ZAN: variants seen among roughly 807,000 people sequenced by gnomAD.
The protein encoded by ZAN is zonadhesin.
A neutral mutation model predicts 286.2 loss-of-function variants in ZAN; 260 were observed. The ratio of observed to expected loss-of-function variants is 0.91; its 90% CI spans 0.82 to 1.01. The LOEUF is 1.01. ZAN is among the 50% of genes least tolerant of loss of function. The pLI is 0.00. For missense variants in ZAN, 3,410 were observed against 3,639.2 expected (o/e 0.94, Z 1.62); for synonymous variants, 1,368 against 1,417.5 (o/e 0.97, Z 0.79).
intron 20 of ZAN, 50 bp downstream of exon 20, chr7:100,762,408 C>T: frequency 6.9e-7 from 1 of 1,445,582 alleles, no homozygotes; most frequent in Non-Finnish European, 9.2e-7. Context: ...CCGTCCCCTT[C>T]CTGGAACTCT....
Position 100,759,774 on chromosome 7 carries a change from T to C in ZAN, c.3625T>C (p.Ser1209Pro). ...KNEEQGQEGV[S>P]CLSKVYVTLP... ...TGAGGAGCAGGGACAGGAAGGCGTGTCCTGCCTGAGCAAAGTCTACGTGAC... is the reference window on the plus strand; with the variant it reads ...TGAGGAGCAGGGACAGGAAGGCGTGCCCTGCCTGAGCAAAGTCTACGTGAC... Residue 1209 changes from serine to proline, a missense_variant, in exon 18 of 48, where the codon TCC becomes CCC. Transcript: ENST00000613979. 1 of 1,603,606 alleles carries C rather than the reference T, an allele frequency of 6.2e-7. No individual in the cohort carries two copies. The highest frequency in any genetic ancestry group is 8.5e-7 in the Non-Finnish European group (1 of 1,175,358).
In ZAN at chr7:100,779,487, A is replaced by G. The variant is rs1397490538; in HGVS notation, c.6359A>G (p.Glu2120Gly). ...GTAGATGAGCAGCAGATTCCAGCGGAACAGCAGGAGAACCCGAGTGGAAAC... is the reference window on the plus strand; with the variant it reads ...GTAGATGAGCAGCAGATTCCAGCGGGACAGCAGGAGAACCCGAGTGGAAAC... ...LLVDEQQIPAEQQENPSGNCR... is the reference protein window; with the variant it reads ...LLVDEQQIPAGQQENPSGNCR... Residue 2120 changes from glutamate to glycine, a missense_variant, in exon 35 of 48, where the codon GAA becomes GGA. Physicochemically the swap from Glu to Gly is moderately conservative, Grantham distance 98. Coordinates refer to ENST00000613979, the MANE Select transcript of ZAN (RefSeq NM_003386.3). 4.6e-5 allele frequency: 74 copies of G among 1,611,692 alleles called. No homozygotes were observed. The East Asian group carries it at 1.6e-3, about 35-fold the overall frequency.
At chr7:100,778,415 G>T (rs1810961205) in intron 34 of ZAN, among the ~76,000 whole-genome samples, 1 of 149,212 alleles carries the variant, frequency 6.7e-6, no homozygotes, top group South Asian at 2.1e-4. Flanking sequence ...ACCAGCCTGG[G>T]CAACATAGCA....
At chr7:100,773,192 C>T in intron 29 of ZAN, 93 bp from the exon 30 acceptor site, 2 of 1,399,260 alleles carry the variant, frequency 1.4e-6, no homozygotes, top group South Asian at 1.3e-5. Context: ...GTGCGAGCTA[C>T]CGCTCCTGGC....
At chr7:100,775,117 A>G (rs1810661377) in intron 31 of ZAN, among the ~76,000 whole-genome samples, 2 of 151,790 alleles carry the variant, frequency 1.3e-5, no homozygotes, top group Admixed American at 1.3e-4. Context: ...TTTAGTAGAG[A>G]CGGGTTTTTA....
At position 100,767,712 on chromosome 7, in the gene ZAN, C is replaced by T; in HGVS notation, c.4861-119C>T. 2.6e-6 allele frequency: 3 copies of T among 1,156,896 alleles called. No individual in the cohort carries two copies. In the Admixed American group the frequency reaches 8.6e-5, roughly 33 times the overall value. The allele number at this position is 1,156,896 out of a possible 1,614,324, so 71.7% of individuals were successfully genotyped here. On this transcript the variant is annotated intron_variant, in intron 25 of 47. Transcript: ENST00000613979. ...CAGGCTGATCTCGAGATCCTGGGCT[C>T]AAGCGATCCTCCGCCTCGGCCTCCC...
intron 19 of ZAN, among the ~76,000 whole-genome samples, chr7:100,761,395 G>T (rs541524059): frequency 6.6e-6 from 1 of 151,988 alleles, no homozygotes; most frequent in African/African-American, 2.4e-5. Flanking sequence ...ATCTCAGCAT[G>T]CTGGGAGGCC....
At position 100,748,450 on chromosome 7, in the gene ZAN, C is replaced by A. The variant is rs756851221; in HGVS notation, c.1229C>A (p.Ala410Glu). 4.3e-6 allele frequency: 7 copies of A among 1,612,632 alleles called. No individual in the cohort carries two copies. Among genetic ancestry groups the A allele is most frequent in the Non-Finnish European group, 5.9e-6 (7 of 1,179,392 alleles). ...KNGPVHGMGPAGGFPNAGGHY... is the reference protein window; with the variant it reads ...KNGPVHGMGPEGGFPNAGGHY... Reference sequence around the variant, plus strand: ...GGACCCGTCCATGGCATGGGCCCTGCGGGAGGTTTCCCTAATGCAGGTGAG... The same window carrying A: ...GGACCCGTCCATGGCATGGGCCCTGAGGGAGGTTTCCCTAATGCAGGTGAG... Residue 410 changes from alanine (A) to glutamate (E), a missense_variant, in exon 11 of 48, where the codon GCG becomes GAG. Physicochemically the swap from Ala to Glu is moderately radical, Grantham distance 107. This residue lies in a region of ZAN where 872 missense variants were observed against 938.9 expected (regional missense o/e 0.93). Transcript: ENST00000613979.
chr7:100,771,527 G>T (rs1327448205), intron 28 of ZAN, among the ~76,000 whole-genome samples: 1 of 151,942 alleles, frequency 6.6e-6, no homozygotes, highest in Non-Finnish European at 1.5e-5. Flanking sequence ...TGCCTCCTGG[G>T]TTCAAGAGAT....
At chr7:100,765,981 G>T (rs2116033241) in intron 23 of ZAN, among the ~76,000 whole-genome samples, 3 of 144,738 alleles carry the variant, frequency 2.1e-5, no homozygotes, top group Admixed American at 6.9e-5. Flanking sequence ...TTTTGTTGTT[G>T]TTTTTGGTTT....
chr7:100,739,623 C>T lies in ZAN; in HGVS notation c.766+1010C>T, dbSNP rs1317121448. Among the ~76,000 whole-genome samples the T allele has an allele frequency of 2.2e-5, 3 of 134,704 alleles. 1 individual carries two copies. The highest frequency in any genetic ancestry group is 4.4e-4 in the East Asian group (2 of 4,558). The allele number at this position is 134,704 out of a possible 152,430, so 88.4% of individuals were successfully genotyped here. A position where few individuals can be genotyped will look rare whatever the true frequency, so the allele number is the denominator to read the frequency against. On this transcript the variant is annotated intron_variant, in intron 7 of 47. Coordinates refer to ENST00000613979, the MANE Select transcript of ZAN (RefSeq NM_003386.3). ...CCTCCCAAAGTGCTGGGATTACAGG[C>T]GTGAGCCACTGTGCCCCGCCGTGAG...
chr7:100,781,475 G>C (rs901573835), intron 35 of ZAN, among the ~76,000 whole-genome samples: 2 of 152,152 alleles, frequency 1.3e-5, no homozygotes, highest in Non-Finnish European at 2.9e-5. Context: ...GAGCACAGCA[G>C]CCTGAGCTGG....
chr7:100,792,002 G>A lies in ZAN; in HGVS notation c.7566G>A (p.Glu2522=), dbSNP rs372780715. The change falls in exon 41 of 48, where the codon GAG becomes GAA. Residue 2522 remains glutamate, a synonymous_variant. Transcript: ENST00000613979. ...CGGAGGAGGAGGGACAAGGGGCGGA[G>A]CTGGGCCTCCGCACGGGCCTCCAAG... is the stretch of plus-strand genomic sequence containing the variant. ...IPAEEEGQGA[E]LGLRTGLQVS... is the part of the protein sequence containing the mutation. 6.2e-7 allele frequency: 1 copy of A among 1,613,278 alleles called. No individual in the cohort carries two copies. Among genetic ancestry groups the A allele is most frequent in the African/African-American group, 1.3e-5 (1 of 74,946 alleles).
Position 100,776,439 on chromosome 7 carries a change from G to C in ZAN, c.6193-1G>C, listed in dbSNP as rs778075708. 4 of 1,605,280 alleles carry C rather than the reference G, an allele frequency of 2.5e-6. No homozygotes were observed. The highest frequency in any genetic ancestry group is 1.7e-4 in the Middle Eastern group (1 of 6,042). Reference sequence around the variant, plus strand: ...ACCGAAAAACCACTCTCCCCCGCCAGGTCTGCGGCATGTGTGGGAACTTCA... The same window carrying C: ...ACCGAAAAACCACTCTCCCCCGCCACGTCTGCGGCATGTGTGGGAACTTCA... On this transcript the variant is annotated splice_acceptor_variant, in intron 33 of 47. Coordinates refer to ENST00000613979, the MANE Select transcript of ZAN (RefSeq NM_003386.3). LOFTEE classifies it high-confidence loss of function.
Position 100,773,735 on chromosome 7 carries a change from G to T in ZAN, c.5649G>T (p.Trp1883Cys). Reference sequence around the variant, plus strand: ...GTGGCCCACAGGTCGGGGAGCGCTGGTACACAGAGAACACCTGCACCAGGC... The same window carrying T: ...GTGGCCCACAGGTCGGGGAGCGCTGTTACACAGAGAACACCTGCACCAGGC... ...AGSYHPVGER[W>C]YTENTCTRLC... The change falls in exon 31 of 48, where the codon TGG becomes TGT. Residue 1883 changes from tryptophan to cysteine, a missense_variant. Transcript: ENST00000613979. 1 of 1,609,924 alleles carries T rather than the reference G, an allele frequency of 6.2e-7. No homozygotes were observed. Among genetic ancestry groups the T allele is most frequent in the Non-Finnish European group, 8.5e-7 (1 of 1,178,260 alleles).
At chr7:100,775,957 G>A (rs1357263771) in intron 33 of ZAN, 124 bp downstream of exon 33, 1 of 1,278,574 alleles carries the variant, frequency 7.8e-7, no homozygotes, top group Non-Finnish European at 1.1e-6. Context: ...GGATGGAGCA[G>A]GGCAGTGGAG....
chr7:100,773,521 C>T, intron 30 of ZAN, 28 bp downstream of exon 30: 2 of 1,609,074 alleles, frequency 1.2e-6, no homozygotes, highest in South Asian at 1.1e-5. Flanking sequence ...AGGGGCCCCG[C>T]CCTTTCCAGG....
At chr7:100,757,112 A>G (rs1425702728) in intron 15 of ZAN, among the ~76,000 whole-genome samples, 1 of 151,514 alleles carries the variant, frequency 6.6e-6, no homozygotes, top group Non-Finnish European at 1.5e-5. Flanking sequence ...ACAAATGTTT[A>G]TTTAGTACTT....
chr7:100,736,674 T>C lies in ZAN; in HGVS notation c.253+45T>C, dbSNP rs1239811515. ...AGGGGACCATGAGCAGGGAGGTGGC[T>C]GGGAGGCGGGAGTGGCTAGATGGAG... On this transcript the variant is annotated intron_variant, in intron 4 of 47. Coordinates refer to ENST00000613979, the MANE Select transcript of ZAN (RefSeq NM_003386.3). 8 of 1,512,820 alleles carry C rather than the reference T, an allele frequency of 5.3e-6. 1 individual carries two copies. The highest frequency in any genetic ancestry group is 7.2e-6 in the Non-Finnish European group (8 of 1,104,026). 93.7% of individuals were successfully genotyped at this position (1,512,820 alleles called of 1,614,324 possible).
Sources: gnomAD v4.1 joint callset for allele counts (sites outside exome capture counted in the v4.1 genomes callset) on GRCh38, gnomAD v4.1.1 for gene constraint, gnomAD v4.1.1 regional missense constraint, MANE v1.5 for transcripts, NCBI Gene and HGNC (gene_info 2026-07-23, HGNC 2026-07-21) for gene names.